The following SH3BGRL2 variants were observed in gnomAD, a reference collection of about 807,000 sequenced individuals.
The protein encoded by SH3BGRL2 is SH3 domain binding glutamate rich protein like 2.
SH3BGRL2 carries 21 observed loss-of-function variants against 14.8 expected under a neutral mutation model. That is an observed-to-expected ratio of 1.42 (90% confidence interval 1.01 to 2.05). The LOEUF (loss-of-function observed/expected upper bound fraction) is 2.05, where lower values mean the gene tolerates loss of function less well. SH3BGRL2 is among the 30% of genes most tolerant of loss of function. The probability of loss-of-function intolerance (pLI) is 0.00; values close to 1 mark genes in which losing one functional copy is unlikely to be tolerated. For missense variants in SH3BGRL2, 147 were observed against 130.8 expected (o/e 1.12, Z -0.61); for synonymous variants, 50 against 47.8 (o/e 1.05, Z -0.19).
the SH3BGRL2 span, among the ~76,000 whole-genome samples, chr6:79,565,942 T>G: frequency 6.6e-6 from 1 of 152,198 alleles, no homozygotes; most frequent in Non-Finnish European, 1.5e-5. Context: ...TACTGGTGCT[T>G]TTTCCTGCTA....
At chr6:79,643,219 C>T (rs758519094) in intron 1 of SH3BGRL2, among the ~76,000 whole-genome samples, 2 of 152,158 alleles carry the variant, frequency 1.3e-5, no homozygotes, top group African/African-American at 4.8e-5. Context: ...TTATTCAGCT[C>T]AGCGGTAAAA....
the SH3BGRL2 span, among the ~76,000 whole-genome samples, chr6:79,600,123 C>T: frequency 6.6e-6 from 1 of 152,214 alleles, no homozygotes; most frequent in Non-Finnish European, 1.5e-5. Flanking sequence ...CTGCACAAAG[C>T]TCTCCTCAGC....
chr6:79,660,559 T>A (rs903878635), intron 1 of SH3BGRL2, among the ~76,000 whole-genome samples: 1 of 152,144 alleles, frequency 6.6e-6, no homozygotes, highest in Non-Finnish European at 1.5e-5. Flanking sequence ...TATTGAGGAT[T>A]TTTGCATCGA....
chr6:79,589,509 A>C, the SH3BGRL2 span, among the ~76,000 whole-genome samples: 3 of 152,166 alleles, frequency 2.0e-5, no homozygotes, highest in Non-Finnish European at 4.4e-5. Context: ...ATTGAAGAGC[A>C]AAACTTATTA....
chr6:79,693,672 A>G (rs1382447418), intron 2 of SH3BGRL2, among the ~76,000 whole-genome samples: 2 of 152,064 alleles, frequency 1.3e-5, no homozygotes, highest in Non-Finnish European at 2.9e-5. Flanking sequence ...ATTGATTTGC[A>G]TATATTGAAC....
chr6:79,615,758 T>A, the SH3BGRL2 span, among the ~76,000 whole-genome samples: 1 of 98,560 alleles, frequency 1.0e-5, no homozygotes, highest in Non-Finnish European at 2.2e-5. Flanking sequence ...AGTTTTATAT[T>A]TTTTTTCTAA....
the SH3BGRL2 span, among the ~76,000 whole-genome samples, chr6:79,593,824 C>A: frequency 8.5e-5 from 13 of 152,116 alleles, no homozygotes; most frequent in East Asian, 1.5e-3. Flanking sequence ...ATAGACAAAG[C>A]CATTTACAAT....
At chr6:79,556,150 AAAATT>A in the SH3BGRL2 span, among the ~76,000 whole-genome samples, 2 of 152,182 alleles carry the variant, frequency 1.3e-5, no homozygotes, top group African/African-American at 4.8e-5. Flanking sequence ...GAAACATTCT[AAAATT>A]AAAGTAGTGA....
the SH3BGRL2 span, among the ~76,000 whole-genome samples, chr6:79,583,320 G>A: frequency 2.0e-5 from 3 of 152,136 alleles, no homozygotes; most frequent in Non-Finnish European, 4.4e-5. Flanking sequence ...CTACTATAAA[G>A]ACACATGCAC....
chr6:79,577,568 A>G, the SH3BGRL2 span, among the ~76,000 whole-genome samples: 2 of 152,230 alleles, frequency 1.3e-5, no homozygotes, highest in Non-Finnish European at 2.9e-5. Flanking sequence ...CTAGAAAGGT[A>G]AAGTGACATT....
intron 1 of SH3BGRL2, among the ~76,000 whole-genome samples, chr6:79,638,532 A>C (rs1353779135): frequency 1.3e-5 from 2 of 152,036 alleles, no homozygotes; most frequent in Non-Finnish European, 2.9e-5. Flanking sequence ...CATACTGTTC[A>C]CTATAATGGC....
intron 2 of SH3BGRL2, among the ~76,000 whole-genome samples, chr6:79,677,280 G>C (rs1769904396): frequency 6.6e-6 from 1 of 152,180 alleles, no homozygotes; most frequent in Non-Finnish European, 1.5e-5. Context: ...CCTGGAATTA[G>C]AAAATTATTA....
chr6:79,657,090 G>T (rs1769434680), intron 1 of SH3BGRL2, among the ~76,000 whole-genome samples: 1 of 152,196 alleles, frequency 6.6e-6, no homozygotes, highest in Admixed American at 6.5e-5. Flanking sequence ...AGCAAGATTA[G>T]ATTCCAGGGT....
At chr6:79,606,185 T>A in the SH3BGRL2 span, among the ~76,000 whole-genome samples, 1 of 152,050 alleles carries the variant, frequency 6.6e-6, no homozygotes, top group Non-Finnish European at 1.5e-5. Context: ...CTGGTGGGAA[T>A]TGCAAGGCAT....
the SH3BGRL2 span, among the ~76,000 whole-genome samples, chr6:79,568,830 T>C: frequency 6.6e-6 from 1 of 152,218 alleles, no homozygotes; most frequent in Non-Finnish European, 1.5e-5. Context: ...TATTTTATTT[T>C]TCTTATCTAT....
At chr6:79,596,613 AC>A in the SH3BGRL2 span, among the ~76,000 whole-genome samples, 1 of 152,170 alleles carries the variant, frequency 6.6e-6, no homozygotes, top group South Asian at 2.1e-4. Context: ...TTATTGAAAA[AC>A]ATTACAGAAT....
the SH3BGRL2 span, among the ~76,000 whole-genome samples, chr6:79,542,161 T>C: frequency 6.6e-6 from 1 of 152,136 alleles, no homozygotes; most frequent in Admixed American, 6.5e-5. Flanking sequence ...GTGGCCATCA[T>C]GAAGTCACTG....
At chr6:79,575,550 G>A in the SH3BGRL2 span, 1 of 151,976 alleles carries the variant, frequency 6.6e-6, no homozygotes, top group Non-Finnish European at 1.5e-5. Flanking sequence ...TTATGCTTGT[G>A]CCCCTGAGAA....
chr6:79,686,868 C>T (rs1465266581), intron 2 of SH3BGRL2, among the ~76,000 whole-genome samples: 3 of 152,112 alleles, frequency 2.0e-5, no homozygotes, highest in Non-Finnish European at 2.9e-5. Context: ...ACTGGAACTC[C>T]TCAGGTGCCC....
Sources: gnomAD v4.1 joint callset for allele counts (sites outside exome capture counted in the v4.1 genomes callset) on GRCh38, gnomAD v4.1.1 for gene constraint, MANE v1.5 for transcripts, NCBI Gene and HGNC (gene_info 2026-07-23, HGNC 2026-07-21) for gene names.